ERC2: variants seen among roughly 807,000 people sequenced by gnomAD.
ERC2 encodes the protein ELKS/RAB6-interacting/CAST family member 2, also known as ERC protein 2.
A neutral mutation model predicts 114.8 loss-of-function variants in ERC2; 42 were observed. That is an observed-to-expected ratio of 0.37 (90% CI 0.29 to 0.47). ERC2 has a LOEUF of 0.47. ERC2 is among the 20% of genes least tolerant of loss of function. The probability of loss-of-function intolerance (pLI) is 0.99; values close to 1 mark genes in which losing one functional copy is unlikely to be tolerated. For missense variants in ERC2, 939 were observed against 1,150.7 expected, an observed-to-expected ratio of 0.82 and a Z score of 2.66; for synonymous variants, 454 against 425.5, an observed-to-expected ratio of 1.07 and a Z score of -0.82.
At chr3:55,862,736 C>A (rs554324368) in intron 14 of ERC2, among the ~76,000 whole-genome samples, 1 of 152,272 alleles carries the variant, frequency 6.6e-6, no homozygotes, top group Admixed American at 6.5e-5. Flanking sequence ...ATTGAGATGT[C>A]GAATTCTGCT....
intron 5 of ERC2, among the ~76,000 whole-genome samples, chr3:56,148,079 G>A (rs993281221): frequency 5.3e-5 from 8 of 152,010 alleles, no homozygotes; most frequent in African/African-American, 1.7e-4. Flanking sequence ...CCATTCAATG[G>A]ATACTTAATC....
chr3:55,586,126 C>A (rs531376773), intron 17 of ERC2, among the ~76,000 whole-genome samples: 4 of 152,092 alleles, frequency 2.6e-5, no homozygotes, highest in Non-Finnish European at 2.9e-5. Flanking sequence ...CACTGGTGCA[C>A]CTGAGGTGAC....
intron 14 of ERC2, among the ~76,000 whole-genome samples, chr3:55,745,204 A>G (rs1407635318): frequency 6.6e-6 from 1 of 152,208 alleles, no homozygotes; most frequent in African/African-American, 2.4e-5. Context: ...GAAGAGTTGC[A>G]TCCCAGACAA....
intron 17 of ERC2, among the ~76,000 whole-genome samples, chr3:55,527,877 T>A (rs1391708115): frequency 6.6e-6 from 1 of 152,140 alleles, no homozygotes; most frequent in Non-Finnish European, 1.5e-5. Context: ...TGTCTCTCAA[T>A]CTCTTCTAGT....
intron 3 of ERC2, among the ~76,000 whole-genome samples, chr3:56,177,095 A>G (rs1339936108): frequency 2.0e-5 from 3 of 152,242 alleles, no homozygotes; most frequent in Non-Finnish European, 2.9e-5. Flanking sequence ...GGTGATATGA[A>G]ATAAAAATAA....
intron 2 of ERC2, among the ~76,000 whole-genome samples, chr3:56,306,933 G>T (rs535330720): frequency 6.6e-6 from 1 of 152,300 alleles, no homozygotes; most frequent in Admixed American, 6.5e-5. Flanking sequence ...TAACTTCAGT[G>T]GCAAGCATGA....
intron 2 of ERC2, among the ~76,000 whole-genome samples, chr3:56,355,218 G>C (rs556924159): frequency 2.6e-5 from 4 of 152,254 alleles, no homozygotes; most frequent in African/African-American, 9.6e-5. Context: ...GCACAAGTGG[G>C]AGTTATGTGT....
intron 7 of ERC2, among the ~76,000 whole-genome samples, chr3:56,068,117 C>T (rs1358197253): frequency 6.6e-6 from 1 of 152,144 alleles, no homozygotes; most frequent in African/African-American, 2.4e-5. Context: ...GGGAATCTAC[C>T]AGCTCCTCTT....
intron 3 of ERC2, among the ~76,000 whole-genome samples, chr3:56,284,724 A>G (rs929806426): frequency 8.5e-5 from 13 of 152,266 alleles, no homozygotes; most frequent in African/African-American, 3.1e-4. Context: ...GTCTTCTCAG[A>G]TCCATAATTA....
intron 14 of ERC2, among the ~76,000 whole-genome samples, chr3:55,769,423 A>C (rs148291828): frequency 6.6e-6 from 1 of 151,930 alleles, no homozygotes. Flanking sequence ...TTCTGAGCAC[A>C]TCTTAGGGGG....
chr3:55,653,176 C>A (rs1285743717), intron 17 of ERC2, among the ~76,000 whole-genome samples: 1 of 149,924 alleles, frequency 6.7e-6, no homozygotes, highest in African/African-American at 2.5e-5. Context: ...TTCAGACAGC[C>A]CAATATCTCT....
rs545343705 is a variant in ERC2, at chr3:55,883,284, C to T, written c.2564+5105G>A. On this transcript the variant is annotated intron_variant, in intron 14 of 17. Transcript: ENST00000288221. ...AAGAATCAGGCAATATTTACTCACT[C>T]TAAATCCAGTTGGCATTTAAAATAA... is the stretch of plus-strand genomic sequence containing the variant. 1.1e-4 allele frequency among the ~76,000 whole-genome samples: 16 copies of T among 152,288 alleles called. No homozygotes were observed. In the South Asian group the frequency reaches 3.3e-3, roughly 32 times the overall value.
At chr3:56,074,928 A>T (rs1337700968) in intron 7 of ERC2, among the ~76,000 whole-genome samples, 1 of 152,160 alleles carries the variant, frequency 6.6e-6, no homozygotes, top group East Asian at 1.9e-4. Flanking sequence ...TGCTGAGCTC[A>T]TTTATTCACT....
At chr3:56,222,020 A>G (rs2049947856) in intron 3 of ERC2, among the ~76,000 whole-genome samples, 1 of 152,246 alleles carries the variant, frequency 6.6e-6, no homozygotes, top group Admixed American at 6.5e-5. Flanking sequence ...GAAGTAATTG[A>G]TGACTCAGAT....
intron 14 of ERC2, among the ~76,000 whole-genome samples, chr3:55,758,356 A>G (rs2067193709): frequency 6.6e-6 from 1 of 152,154 alleles, no homozygotes; most frequent in South Asian, 2.1e-4. Context: ...TGCACACCAC[A>G]GCCACCCCAC....
At chr3:56,420,714 T>C (rs2061354595) in intron 2 of ERC2, among the ~76,000 whole-genome samples, 1 of 148,832 alleles carries the variant, frequency 6.7e-6, no homozygotes, top group Admixed American at 6.7e-5. Flanking sequence ...TGAAACCCCG[T>C]CTCTACTAAA....
intron 13 of ERC2, among the ~76,000 whole-genome samples, chr3:55,907,983 C>T (rs1366212276): frequency 6.6e-6 from 1 of 152,060 alleles, no homozygotes; most frequent in African/African-American, 2.4e-5. Context: ...GGGGACGATA[C>T]ATTGGGAAAA....
intron 2 of ERC2, among the ~76,000 whole-genome samples, chr3:56,300,220 T>C (rs931143613): frequency 1.1e-4 from 16 of 150,040 alleles, no homozygotes; most frequent in African/African-American, 3.7e-4. Context: ...GGAGGGAAAA[T>C]TGGTCCATTT....
chr3:55,555,313 C>T (rs985172879), intron 17 of ERC2, among the ~76,000 whole-genome samples: 1 of 152,164 alleles, frequency 6.6e-6, no homozygotes, highest in Non-Finnish European at 1.5e-5. Context: ...ACCCTATCGG[C>T]CCCAGCTTGA....
Sources: allele counts gnomAD v4.1 joint callset (sites outside exome capture counted in the v4.1 genomes callset), GRCh38; gene constraint gnomAD v4.1.1; transcripts MANE v1.5; gene names NCBI Gene and HGNC (gene_info 2026-07-23, HGNC 2026-07-21).